COL4A4: variants seen among roughly 807,000 people sequenced by gnomAD.
COL4A4 encodes the protein collagen type IV alpha 4 chain, also known as collagen alpha-4(IV) chain.
Under a neutral mutation model 192.9 loss-of-function variants are expected in COL4A4, and 105 were observed. That is an observed-to-expected ratio of 0.54 (90% CI 0.46 to 0.64). The LOEUF is 0.64. Ranked by LOEUF, COL4A4 falls within the 30% of genes least tolerant of loss-of-function variation. The pLI, the probability that COL4A4 is intolerant of heterozygous loss-of-function variation, is 0.00. For missense variants in COL4A4, 1,967 were observed against 2,169.3 expected (o/e 0.91, Z 1.85); for synonymous variants, 762 against 769.9 (o/e 0.99, Z 0.17).
At chr2:227,053,123 A>G (rs78104050) in intron 31 of COL4A4, among the ~76,000 whole-genome samples, 3 of 152,154 alleles carry the variant, frequency 2.0e-5, no homozygotes, top group East Asian at 1.9e-4. Context: ...TTACTAGCCC[A>G]TCACTGGCGT....
intron 34 of COL4A4, among the ~76,000 whole-genome samples, chr2:227,049,835 G>A (rs1306189520): frequency 6.6e-6 from 1 of 152,224 alleles, no homozygotes; most frequent in African/African-American, 2.4e-5. Context: ...TCTCACAGAG[G>A]AGGAAGACAC....
chr2:227,047,738 C>CACACACACACACAA (rs1973193477), intron 34 of COL4A4, among the ~76,000 whole-genome samples, 189 bp from the exon 35 acceptor site: 1 of 143,924 alleles, frequency 6.9e-6, no homozygotes, highest in Admixed American at 7.2e-5. Context: ...ATACCACACA[C>CACACACACACACAA]ACACACACAC....
intron 42 of COL4A4, among the ~76,000 whole-genome samples, chr2:227,026,176 G>T (rs1203614566): frequency 1.3e-5 from 2 of 152,018 alleles, no homozygotes; most frequent in Non-Finnish European, 2.9e-5. Flanking sequence ...CCAAGTATAG[G>T]GTATGCATAG....
intron 23 of COL4A4, 52 bp downstream of exon 23, chr2:227,082,063 T>G (rs1240998649): frequency 7.2e-7 from 1 of 1,396,292 alleles, no homozygotes; most frequent in African/African-American, 1.4e-5. Flanking sequence ...AAGAGGAGGG[T>G]CCATACATCA....
chr2:227,145,384 T>C lies in COL4A4; in HGVS notation c.72-826A>G, dbSNP rs145688163. ...ATCACTTGAACCCGGAAGGCAGAGA[T>C]TGCAGTGAGCCGAGATCGTGCCACT... On this transcript the variant is annotated intron_variant, in intron 2 of 47. Transcript: ENST00000396625. Among the ~76,000 whole-genome samples, 1,118 of 152,216 alleles carry C rather than the reference T, an allele frequency of 7.3e-3. 13 individuals are homozygous for C. The highest frequency in any genetic ancestry group is 0.026 in the African/African-American group (1,068 of 41,554).
At position 227,032,288 on chromosome 2, in the gene COL4A4, A is replaced by G; in HGVS notation, c.3578-12T>C. 6.2e-7 allele frequency: 1 copy of G among 1,610,416 alleles called. No homozygotes were observed. The highest frequency in any genetic ancestry group is 1.1e-5 in the South Asian group (1 of 90,646). On this transcript the variant is annotated splice_polypyrimidine_tract_variant and intron_variant, in intron 38 of 47. Coordinates refer to ENST00000396625, the MANE Select transcript of COL4A4 (RefSeq NM_000092.5). ...CACATCATGCAAACCTTAATGGGGAAAACAGAATTAATACTATATCTTCTC... is the reference window on the plus strand; with the variant it reads ...CACATCATGCAAACCTTAATGGGGAGAACAGAATTAATACTATATCTTCTC...
At chr2:227,022,675 A>C (rs1225665923) in intron 43 of COL4A4, among the ~76,000 whole-genome samples, 1 of 152,226 alleles carries the variant, frequency 6.6e-6, no homozygotes, top group East Asian at 1.9e-4. Flanking sequence ...CTAGAGGCTC[A>C]GAAGCAGTGA....
At chr2:227,008,872 T>C (rs1962823655) in intron 46 of COL4A4, among the ~76,000 whole-genome samples, 1 of 152,162 alleles carries the variant, frequency 6.6e-6, no homozygotes, top group African/African-American at 2.4e-5. Context: ...CTCAGGAGTG[T>C]CCAGTGATAA....
At chr2:227,086,964 C>T (rs2059634946) in intron 22 of COL4A4, among the ~76,000 whole-genome samples, 1 of 152,208 alleles carries the variant, frequency 6.6e-6, no homozygotes, top group Non-Finnish European at 1.5e-5. Context: ...ATTAACTTCA[C>T]TTAAGGCCCT....
rs1575667105 is a variant in COL4A4 at position 227,003,780 on chromosome 2, G to A, written c.*3545C>T. On this transcript the variant is annotated 3_prime_UTR_variant, in exon 48 of 48. Transcript: ENST00000396625. ...AAGTCATGTCACATTTTACTGAAGG[G>A]TCTTCTCAGTCGGATCTCTCAAATC... 1 of 152,114 alleles carries A rather than the reference G, an allele frequency of 6.6e-6. No individual in the cohort carries two copies. Among genetic ancestry groups the A allele is most frequent in the South Asian group, 2.1e-4 (1 of 4,822 alleles). 9.4% of individuals were successfully genotyped at this position (152,114 alleles called of 1,614,324 possible). A position where few individuals can be genotyped will look rare whatever the true frequency, so the allele number is the denominator to read the frequency against.
downstream of COL4A4, among the ~76,000 whole-genome samples, chr2:227,000,491 C>T (rs1353406176): frequency 6.6e-6 from 1 of 152,166 alleles, no homozygotes; most frequent in East Asian, 1.9e-4. Flanking sequence ...TCATCTGTGG[C>T]TGATAAAATT....
intron 25 of COL4A4, among the ~76,000 whole-genome samples, chr2:227,063,178 C>A (rs756652359): frequency 7.9e-5 from 12 of 151,982 alleles, no homozygotes; most frequent in Non-Finnish European, 1.8e-4. Flanking sequence ...TAGCATCATC[C>A]CCCATGTTAA....
At chr2:227,098,016 AAGG>A (rs1157711858) in intron 19 of COL4A4, among the ~76,000 whole-genome samples, 1 of 152,214 alleles carries the variant, frequency 6.6e-6, no homozygotes, top group Non-Finnish European at 1.5e-5. Context: ...GCAGCACCTG[AAGG>A]AGTTCAAAGT....
rs1301220122 is a variant in COL4A4, at chr2:227,005,630, C to T, written c.*1695G>A. 3.3e-5 allele frequency: 5 copies of T among 152,296 alleles called. No individual in the cohort carries two copies. The East Asian group carries it at 9.6e-4, about 29-fold the overall frequency. The allele number at this position is 152,296 out of a possible 1,614,324, so 9.4% of individuals were successfully genotyped here. A position where few individuals can be genotyped will look rare whatever the true frequency, so the allele number is the denominator to read the frequency against. Reference sequence around the variant, plus strand: ...ATAAATTGCCACCCTGGGGGCAGCCCATAGCAAAACTCATTTGAAATGTGT... The same window carrying T: ...ATAAATTGCCACCCTGGGGGCAGCCTATAGCAAAACTCATTTGAAATGTGT... On this transcript the variant is annotated 3_prime_UTR_variant, in exon 48 of 48. Transcript: ENST00000396625.
chr2:227,104,083 TC>T, intron 12 of COL4A4, 31 bp from the exon 13 acceptor site: 1 of 1,580,236 alleles, frequency 6.3e-7, no homozygotes, highest in African/African-American at 1.3e-5. Flanking sequence ...AATGAAAATT[TC>T]ATATTAATTT....
At chr2:227,060,037 T>C in intron 27 of COL4A4, 99 bp downstream of exon 27, 1 of 806,552 alleles carries the variant, frequency 1.2e-6, no homozygotes, top group Non-Finnish European at 2.0e-6. Context: ...CCTGGACCAT[T>C]TCCTCAATGA....
chr2:227,121,578 A>AG lies in COL4A4; in HGVS notation c.193-431_193-430insC, dbSNP rs386392812. Among the ~76,000 whole-genome samples, 463 of 66,032 alleles carry AG rather than the reference A, an allele frequency of 7.0e-3. 11 individuals are homozygous for AG. The highest frequency in any genetic ancestry group is 0.017 in the African/African-American group (447 of 25,740). 43.3% of individuals were successfully genotyped at this position (66,032 alleles called of 152,430 possible). Reference sequence around the variant, plus strand: ...CCCTATCTCAAAAAAAAAAAAAAAGAAAAGAAAAGAAAGACAAGAAAAGAT... The same window carrying AG: ...CCCTATCTCAAAAAAAAAAAAAAAGAGAAAGAAAAGAAAGACAAGAAAAGAT... On this transcript the variant is annotated intron_variant, in intron 4 of 47. Coordinates refer to ENST00000396625, the MANE Select transcript of COL4A4 (RefSeq NM_000092.5).
At chr2:227,145,634 A>G (rs2063500566) in intron 2 of COL4A4, among the ~76,000 whole-genome samples, 1 of 152,186 alleles carries the variant, frequency 6.6e-6, no homozygotes, top group Non-Finnish European at 1.5e-5. Context: ...TTTATCTGCC[A>G]TCCTTGTTCT....
intron 42 of COL4A4, among the ~76,000 whole-genome samples, chr2:227,026,839 A>G (rs1336979976): frequency 6.6e-6 from 1 of 152,244 alleles, no homozygotes; most frequent in Non-Finnish European, 1.5e-5. Flanking sequence ...AAAATTAAAT[A>G]AAACATCTAG....
Sources: allele counts gnomAD v4.1 joint callset (sites outside exome capture counted in the v4.1 genomes callset), GRCh38; gene constraint gnomAD v4.1.1; transcripts MANE v1.5; gene names NCBI Gene and HGNC (gene_info 2026-07-23, HGNC 2026-07-21).